The following NCF2 variants were observed in gnomAD, a reference collection of about 807,000 sequenced individuals.
NCF2 encodes the protein neutrophil cytosolic factor 2.
A neutral mutation model predicts 70.9 loss-of-function variants in NCF2; 45 were observed. That is an observed-to-expected ratio of 0.63 (90% CI 0.50 to 0.81). The LOEUF (loss-of-function observed/expected upper bound fraction) is 0.81. Among genes scored for constraint, NCF2 ranks in the 40% least tolerant of loss-of-function variants. NCF2 has a pLI of 0.00. For missense variants in NCF2, 522 were observed against 631.6 expected, an observed-to-expected ratio of 0.83 and a Z score of 1.86; for synonymous variants, 203 against 233.6, an observed-to-expected ratio of 0.87 and a Z score of 1.19.
upstream of NCF2, among the ~76,000 whole-genome samples, chr1:183,592,306 T>A (rs12057355): frequency 1.3e-5 from 2 of 152,124 alleles, no homozygotes; most frequent in African/African-American, 2.4e-5. Context: ...TTCCCAGCTC[T>A]CTTCTTTGCC....
rs1428364238 is a variant in NCF2 at position 183,565,689 on chromosome 1, TCCAGGACCACTCA to T, written c.1000+2_1000+14del. Reference sequence around the variant, plus strand: ...GCTGCACCCAGACCTAGGCTGTGGCTCCAGGACCACTCACCTGGTGACAGCTGGGGTCTTCCAG... The same window carrying T: ...GCTGCACCCAGACCTAGGCTGTGGCTCCTGGTGACAGCTGGGGTCTTCCAG... On this transcript the variant is annotated splice_donor_variant and splice_donor_5th_base_variant and intron_variant, in intron 10 of 14. Coordinates refer to ENST00000367535, the MANE Select transcript of NCF2 (RefSeq NM_000433.4). LOFTEE classifies it high-confidence loss of function. 1 of 1,611,638 alleles carries T rather than the reference TCCAGGACCACTCA, an allele frequency of 6.2e-7. No individual in the cohort carries two copies. Among genetic ancestry groups the T allele is most frequent in the Non-Finnish European group, 8.5e-7 (1 of 1,179,402 alleles).
chr1:183,591,776 A>G (rs548251366), upstream of NCF2, among the ~76,000 whole-genome samples: 1 of 152,338 alleles, frequency 6.6e-6, no homozygotes, highest in South Asian at 2.1e-4. Flanking sequence ...GGAGTGAGCC[A>G]CCGTGCCCAG....
chr1:183,589,001 C>T (rs938627794), intron 1 of NCF2, among the ~76,000 whole-genome samples: 8 of 152,220 alleles, frequency 5.3e-5, no homozygotes, highest in African/African-American at 1.9e-4. Flanking sequence ...TCACTCAGCC[C>T]CTCAGCAGGC....
chr1:183,589,825 C>A (rs1466697037), intron 1 of NCF2, among the ~76,000 whole-genome samples: 3 of 152,192 alleles, frequency 2.0e-5, no homozygotes, highest in African/African-American at 7.2e-5. Context: ...GATAGAGATT[C>A]TGTGCCCAGA....
chr1:183,572,731 C>T (rs3845465), intron 5 of NCF2, among the ~76,000 whole-genome samples: 69,012 of 151,644 alleles, frequency 0.46, 16,024 homozygotes, highest in East Asian at 0.62. Context: ...CCTTGAACTC[C>T]TGGGCTCAAG....
chr1:183,600,009 G>A, the NCF2 span, among the ~76,000 whole-genome samples: 2 of 152,182 alleles, frequency 1.3e-5, no homozygotes, highest in Non-Finnish European at 2.9e-5. Context: ...ATGTCACCTT[G>A]TGCTTTTAAC....
At chr1:183,563,975 A>G (rs1672194413) in intron 11 of NCF2, 30 bp downstream of exon 11, 3 of 1,590,512 alleles carry the variant, frequency 1.9e-6, no homozygotes, top group South Asian at 1.1e-5. Flanking sequence ...ATCTTCTACC[A>G]CTTGAAACAG....
intron 7 of NCF2, among the ~76,000 whole-genome samples, chr1:183,568,887 C>T (rs1672423084): frequency 6.6e-6 from 1 of 152,050 alleles, no homozygotes; most frequent in African/African-American, 2.4e-5. Context: ...GTAGCTGCAG[C>T]CAAGCCCTGA....
At chr1:183,560,851 A>G (rs1672013232) in intron 13 of NCF2, among the ~76,000 whole-genome samples, 1 of 152,362 alleles carries the variant, frequency 6.6e-6, no homozygotes, top group South Asian at 2.1e-4. Context: ...GACAGGTAGA[A>G]TGGGCATTAT....
chr1:183,591,302 A>G (rs1673633238), upstream of NCF2, among the ~76,000 whole-genome samples: 2 of 152,200 alleles, frequency 1.3e-5, no homozygotes, highest in African/African-American at 4.8e-5. Flanking sequence ...CCCTTGTTAA[A>G]TGGGAGTGTC....
intron 14 of NCF2, among the ~76,000 whole-genome samples, chr1:183,557,255 T>C (rs572224337): frequency 6.6e-6 from 1 of 152,370 alleles, no homozygotes; most frequent in South Asian, 2.1e-4. Flanking sequence ...AGTTTGTCTT[T>C]GTACATCTAG....
upstream of NCF2, among the ~76,000 whole-genome samples, chr1:183,591,331 T>A (rs1408792012): frequency 7.9e-5 from 12 of 152,218 alleles, no homozygotes; most frequent in Admixed American, 7.9e-4. Context: ...GGATAATTCT[T>A]TCCAGTCTTG....
At chr1:183,597,668 T>A in the NCF2 span, 1 of 152,258 alleles carries the variant, frequency 6.6e-6, no homozygotes, top group Non-Finnish European at 1.5e-5. Flanking sequence ...TTTGTGTTCA[T>A]GTATACTCAA....
At chr1:183,598,412 G>C in the NCF2 span, among the ~76,000 whole-genome samples, 2 of 151,978 alleles carry the variant, frequency 1.3e-5, no homozygotes, top group Non-Finnish European at 2.9e-5. Flanking sequence ...GGAATACGGA[G>C]ATGAGGGAAG....
intron 11 of NCF2, 161 bp from the exon 12 acceptor site, chr1:183,563,746 G>A (rs918281100): frequency 2.3e-5 from 21 of 920,308 alleles, no homozygotes; most frequent in Admixed American, 4.2e-5. Flanking sequence ...GCCTTCAGAG[G>A]TCCTTTAGCC....
upstream of NCF2, among the ~76,000 whole-genome samples, chr1:183,593,929 A>C (rs1217885555): frequency 6.6e-6 from 1 of 152,202 alleles, no homozygotes; most frequent in Non-Finnish European, 1.5e-5. Flanking sequence ...TAAAAAATAA[A>C]ACACATGAGA....
chr1:183,593,684 G>C (rs1270066184), upstream of NCF2, among the ~76,000 whole-genome samples: 3 of 152,142 alleles, frequency 2.0e-5, no homozygotes, highest in Non-Finnish European at 4.4e-5. Flanking sequence ...TCATGTATTT[G>C]TTACAGTTTG....
At chr1:183,588,747 G>A (rs1165746309) in intron 1 of NCF2, among the ~76,000 whole-genome samples, 1 of 152,166 alleles carries the variant, frequency 6.6e-6, no homozygotes, top group Non-Finnish European at 1.5e-5. Context: ...AACAAAGAAA[G>A]GCAGAAGGAA....
In NCF2 at chr1:183,574,484, TACCCA is replaced by T; in HGVS notation, c.499_501+2del. 6.2e-7 allele frequency: 1 copy of T among 1,614,180 alleles called. No homozygotes were observed. On this transcript the variant is annotated splice_donor_variant and coding_sequence_variant, in exon 4 of 15. Coordinates refer to ENST00000367535, the MANE Select transcript of NCF2 (RefSeq NM_000433.4). LOFTEE classifies it high-confidence loss of function. ...TCAACACCTGCATCACCAATACGCT[TACCCA>T]GACACACTCCATCGCCTTGTCGATT...
Sources: allele counts gnomAD v4.1 joint callset (sites outside exome capture counted in the v4.1 genomes callset), GRCh38; gene constraint gnomAD v4.1.1; transcripts MANE v1.5; gene names NCBI Gene and HGNC (gene_info 2026-07-23, HGNC 2026-07-21).